CDHR5: variants seen among roughly 807,000 people sequenced by gnomAD.
CDHR5 encodes the protein cadherin related family member 5.
In CDHR5, 82 loss-of-function variants were observed where a neutral mutation model predicts 69.5. The ratio of observed to expected loss-of-function variants is 1.18; its 90% CI spans 0.99 to 1.42. The LOEUF is 1.42. CDHR5 is among the 40% of genes most tolerant of loss of function. The probability of loss-of-function intolerance (pLI) is 0.00; values close to 1 mark genes in which losing one functional copy is unlikely to be tolerated. For synonymous variants in CDHR5, 601 were observed against 510.2 expected (o/e 1.18, Z -2.40); for missense variants, 1,293 against 1,168.9 (o/e 1.11, Z -1.55).
rs1048183864 is a variant in CDHR5 at position 616,979 on chromosome 11, G to A, written c.*372C>T. On this transcript the variant is annotated 3_prime_UTR_variant, in exon 15 of 15. Transcript: ENST00000397542. ...GAGCGGGAGGTCTGAGATGAGCCGG[G>A]TGCCTGAGATCTCCGGTGCAGGTCG... 1 of 266,850 alleles carries A rather than the reference G, an allele frequency of 3.7e-6. No individual in the cohort carries two copies. Among genetic ancestry groups the A allele is most frequent in the Non-Finnish European group, 7.2e-6 (1 of 138,694 alleles). 16.5% of individuals were successfully genotyped at this position (266,850 alleles called of 1,614,324 possible). A position where few individuals can be genotyped will look rare whatever the true frequency, so the allele number is the denominator to read the frequency against.
At chr11:618,481 C>T (rs1407790369) in intron 13 of CDHR5, 118 bp downstream of exon 13, 21 of 1,234,844 alleles carry the variant, frequency 1.7e-5, no homozygotes, top group South Asian at 4.2e-5. Flanking sequence ...CCCAAACAGA[C>T]TCCTCTTTGG....
Position 618,858 on chromosome 11 carries a change from A to C in CDHR5, c.1701T>G (p.Ser567Arg). 6.2e-7 allele frequency: 1 copy of C among 1,605,498 alleles called. No individual in the cohort carries two copies. Among genetic ancestry groups the C allele is most frequent in the Non-Finnish European group, 8.5e-7 (1 of 1,178,440 alleles). ...TSTSHQPATP[S>R]GGTAQTPEPG... is the part of the protein sequence containing the mutation. ...GCTCTGGGGTCTGTGCTGTGCCCCC[A>C]CTGGGTGTGGCTGGTTGGTGGGAGG... Residue 567 changes from serine to arginine, a missense_variant, in exon 13 of 15, where the codon AGT becomes AGG. Transcript: ENST00000397542.
rs1257776158 is a variant in CDHR5, at chr11:624,260, TCTC to T, written c.262_264del (p.Glu88del). On this transcript the variant is annotated inframe_deletion and splice_region_variant, in exon 3 of 15. Transcript: ENST00000397542. The surrounding 1 kb of genome is among the most constrained non-coding windows in gnomAD (Gnocchi z 5.3). ...AGCAGCTGAGCCTCAAGCAGTGACT[TCTC>T]CTGTGGATGTAGACAGGTCTGCAGT... The T allele has an allele frequency of 7.8e-6, 6 of 770,694 alleles. No homozygotes were observed. Among genetic ancestry groups the T allele is most frequent in the Middle Eastern group, 2.3e-4 (1 of 4,376 alleles). 47.7% of individuals were successfully genotyped at this position (770,694 alleles called of 1,614,324 possible). A position where few individuals can be genotyped will look rare whatever the true frequency, so the allele number is the denominator to read the frequency against.
Position 621,592 on chromosome 11 carries a change from A to C in CDHR5, c.477T>G (p.Ile159Met). ...TCATTTCCTGGAGGGTGTAGAACAGAATGTCGTCCTTGTCGCGGTCCTCAG... is the reference window on the plus strand; with the variant it reads ...TCATTTCCTGGAGGGTGTAGAACAGCATGTCGTCCTTGTCGCGGTCCTCAG... ...LQAEDRDKDD[I>M]LFYTLQEMTA... Residue 159 changes from isoleucine to methionine, a missense_variant, in exon 5 of 15, where the codon ATT (isoleucine) becomes ATG (methionine). Ile to Met is a conservative substitution (Grantham distance 10). Coordinates refer to ENST00000397542, the MANE Select transcript of CDHR5 (RefSeq NM_021924.5). This position sits in a 1 kb window ranked among gnomAD's most constrained non-coding sequence, Gnocchi z 4.4. 1 of 1,613,124 alleles carries C rather than the reference A, an allele frequency of 6.2e-7. No individual in the cohort carries two copies. Among genetic ancestry groups the C allele is most frequent in the East Asian group, 2.2e-5 (1 of 44,814 alleles).
Position 617,541 on chromosome 11 carries a change from C to T in CDHR5, c.2348G>A (p.Arg783Gln), listed in dbSNP as rs146662733. The T allele has an allele frequency of 4.0e-5, 64 of 1,612,280 alleles. No homozygotes were observed. In the African/African-American group the frequency reaches 4.3e-4, roughly 11 times the overall value. ...GACAGCCTTGTACCCGCCCTCCGGC[C>T]GCCGCTCCTTGGTCAGGATGGACCT... The part of the protein sequence containing the change: ...AVRSILTKER[R>Q]PEGGYKAVWF... The change falls in exon 15 of 15, where the codon CGG becomes CAG. Residue 783 changes from arginine to glutamine, a missense_variant. Coordinates refer to ENST00000397542, the MANE Select transcript of CDHR5 (RefSeq NM_021924.5).
In CDHR5 at chr11:619,129, G is replaced by T; in HGVS notation, c.1430C>A (p.Thr477Asn). The T allele has an allele frequency of 6.3e-7, 1 of 1,589,884 alleles. No individual in the cohort carries two copies. The highest frequency in any genetic ancestry group is 8.5e-7 in the Non-Finnish European group (1 of 1,170,180). The change falls in exon 13 of 15, where the codon ACC becomes AAC. Residue 477 changes from threonine to asparagine, a missense_variant. Thr to Asn is a moderately conservative substitution (Grantham distance 65). Transcript: ENST00000397542. ...AGGGGGTCTGGGGACCTCGGAAGTG[G>T]TGCTGGTCCAGGGCCCAGTTGTTCC... ...AGGTTGPWTS[T>N]TSEVPRPPEP...
chr11:617,740 C>T lies in CDHR5; in HGVS notation c.2149G>A (p.Ala717Thr), dbSNP rs199885960. 1.4e-6 allele frequency: 2 copies of T among 1,458,390 alleles called. No individual in the cohort carries two copies. Among genetic ancestry groups the T allele is most frequent in the East Asian group, 4.9e-5 (2 of 41,004 alleles). 90.3% of individuals were successfully genotyped at this position (1,458,390 alleles called of 1,614,324 possible). A position where few individuals can be genotyped will look rare whatever the true frequency, so the allele number is the denominator to read the frequency against. Residue 717 changes from alanine (A) to threonine (T), a missense_variant, in exon 15 of 15, where the codon GCG becomes ACG. Ala to Thr is a moderately conservative substitution (Grantham distance 58). Coordinates refer to ENST00000397542, the MANE Select transcript of CDHR5 (RefSeq NM_021924.5). The stretch of plus-strand genomic sequence containing the variant: ...TTGGCCTTGTGGTCAGGGAGGAACG[C>T]CTGGTTGTCAAAGCCTTGGGGCTGG... ...EPQPQGFDNQ[A>T]FLPDHKANWA...
At chr11:622,452 G>GT (rs1857470071) in intron 3 of CDHR5, among the ~76,000 whole-genome samples, 1 of 137,552 alleles carries the variant, frequency 7.3e-6, no homozygotes, top group Non-Finnish European at 1.6e-5. Flanking sequence ...TTTTGTTTTT[G>GT]TTTTTTGGTT....
At chr11:620,414 G>T in intron 7 of CDHR5, 28 bp from the exon 8 acceptor site, 1 of 1,516,244 alleles carries the variant, frequency 6.6e-7, no homozygotes, top group Non-Finnish European at 9.1e-7. Context: ...GGGAGGGCAC[G>T]TCGTGGGGCT....
Position 621,209 on chromosome 11 carries a change from G to C in CDHR5, c.660C>G (p.Thr220=), listed in dbSNP as rs778453058. 1 of 1,600,536 alleles carries C rather than the reference G, an allele frequency of 6.2e-7. No individual in the cohort carries two copies. The highest frequency in any genetic ancestry group is 1.1e-5 in the South Asian group (1 of 89,138). Residue 220 remains threonine (T), a synonymous_variant, in exon 7 of 15, where the codon ACC becomes ACG. Transcript: ENST00000397542. The surrounding 1 kb of genome is among the most constrained non-coding windows in gnomAD (Gnocchi z 4.4). The part of the protein sequence containing the change: ...GENVEPSHTA[T]ATLVLNVVPA... ...GCACCACGTTCAGCACTAGTGTGGC[G>C]GTGGCAGTGTGGCTGGGTTCCACAT...
Position 621,652 on chromosome 11 carries a change from C to G in CDHR5, c.417G>C (p.Val139=). ...KEIRVEEDTK[V]NSTVIPETQL... ...GCGTCTCGGGGATGACGGTGGAGTT[C>G]ACTTTCGTGTCCTGGGGAGGGAGAG... The change falls in exon 5 of 15, where the codon GTG becomes GTC. Residue 139 remains valine, a synonymous_variant. Transcript: ENST00000397542. The surrounding 1 kb of genome is among the most constrained non-coding windows in gnomAD (Gnocchi z 4.4). 2 of 1,612,728 alleles carry G rather than the reference C, an allele frequency of 1.2e-6. No individual in the cohort carries two copies. The highest frequency in any genetic ancestry group is 1.7e-6 in the Non-Finnish European group (2 of 1,178,902).
Position 621,554 on chromosome 11 carries a change from G to C in CDHR5, c.507+8C>G, listed in dbSNP as rs750738673. 8 of 1,607,876 alleles carry C rather than the reference G, an allele frequency of 5.0e-6. No individual in the cohort carries two copies. The East Asian group carries it at 1.1e-4, about 22-fold the overall frequency. Reference sequence around the variant, plus strand: ...GGCTCGTGCTGGGGCAGGGTGGGCGGCACTGACTGCTGTCATTTCCTGGAG... The same window carrying C: ...GGCTCGTGCTGGGGCAGGGTGGGCGCCACTGACTGCTGTCATTTCCTGGAG... On this transcript the variant is annotated splice_region_variant and intron_variant, in intron 5 of 14. Coordinates refer to ENST00000397542, the MANE Select transcript of CDHR5 (RefSeq NM_021924.5). The surrounding 1 kb of genome is among the most constrained non-coding windows in gnomAD (Gnocchi z 4.4).
chr11:621,978 CCCCA>C lies in CDHR5; in HGVS notation c.313-78_313-75del. ...GGTGCACCCCTCGACGGCTATCCGT[CCCCA>C]CCGTGAGTGAGGTGCACCCCTCAAC... On this transcript the variant is annotated intron_variant, in intron 3 of 14. Coordinates refer to ENST00000397542, the MANE Select transcript of CDHR5 (RefSeq NM_021924.5). This position sits in a 1 kb window ranked among gnomAD's most constrained non-coding sequence, Gnocchi z 4.4. 2.5e-6 allele frequency: 3 copies of C among 1,215,160 alleles called. No individual in the cohort carries two copies. The highest frequency in any genetic ancestry group is 3.5e-6 in the Non-Finnish European group (3 of 849,548). The allele number at this position is 1,215,160 out of a possible 1,614,324, so 75.3% of individuals were successfully genotyped here.
In CDHR5 at chr11:618,604, G is replaced by A. The variant is rs764299670; in HGVS notation, c.1955C>T (p.Ser652Phe). The A allele has an allele frequency of 1.2e-6, 2 of 1,613,910 alleles. No individual in the cohort carries two copies. Among genetic ancestry groups the A allele is most frequent in the Non-Finnish European group, 1.7e-6 (2 of 1,180,008 alleles). ...GGCAACAGAGTGGGTGCTACCTGAA[G>A]ATGGGGTGCTCTTGCTGAGGGGCAT... ...QPMPLSKSTP[S>F]SGGGPSEDKR... The change falls in exon 13 of 15, where the codon TCT becomes TTT. Residue 652 changes from serine (S) to phenylalanine (F), a missense_variant. Physicochemically the swap from Ser to Phe is radical, Grantham distance 155. Coordinates refer to ENST00000397542, the MANE Select transcript of CDHR5 (RefSeq NM_021924.5).
At position 621,048 on chromosome 11, in the gene CDHR5, T is replaced by C. The variant is rs1400798524; in HGVS notation, c.789+32A>G. On this transcript the variant is annotated intron_variant, in intron 7 of 14. Transcript: ENST00000397542. This position sits in a 1 kb window ranked among gnomAD's most constrained non-coding sequence, Gnocchi z 4.4. Reference sequence around the variant, plus strand: ...TGTGTCCAGCCTGCCTAGAAGGCCCTGCCCCGTGCACTGCCCCTCCCTCCC... The same window carrying C: ...TGTGTCCAGCCTGCCTAGAAGGCCCCGCCCCGTGCACTGCCCCTCCCTCCC... 1.6e-6 allele frequency: 2 copies of C among 1,278,532 alleles called. No individual in the cohort carries two copies. Among genetic ancestry groups the C allele is most frequent in the Admixed American group, 5.3e-5 (2 of 37,612 alleles). The allele number at this position is 1,278,532 out of a possible 1,614,324, so 79.2% of individuals were successfully genotyped here. A position where few individuals can be genotyped will look rare whatever the true frequency, so the allele number is the denominator to read the frequency against.
Position 621,500 on chromosome 11 carries a change from G to A in CDHR5, c.508-45C>T, listed in dbSNP as rs1320054969. On this transcript the variant is annotated intron_variant, in intron 5 of 14. Transcript: ENST00000397542. This position sits in a 1 kb window ranked among gnomAD's most constrained non-coding sequence, Gnocchi z 4.4. The stretch of plus-strand genomic sequence containing the variant: ...ACAGAGCCTAAGAGCCTTGGAGGGC[G>A]AGGGCGGCTGTGGGTGTCAGAGGCG... The A allele has an allele frequency of 3.8e-6, 6 of 1,594,058 alleles. No individual in the cohort carries two copies. The African/African-American group carries it at 5.4e-5, about 14-fold the overall frequency.
rs753438557 is a variant in CDHR5, at chr11:617,361, G to C, written c.2528C>G (p.Ser843Cys). ...GPYDAPGGDD[S>C]YI is the part of the protein sequence containing the mutation. ...GGGTGGAGGGGCCACTTAGATGTAG[G>C]AGTCATCACCACCGGGCGCATCGTA... Residue 843 changes from serine (S) to cysteine (C), a missense_variant, in exon 15 of 15, where the codon TCC becomes TGC. By Grantham distance (112) the Ser-to-Cys change is moderately radical (BLOSUM62 -1). Coordinates refer to ENST00000397542, the MANE Select transcript of CDHR5 (RefSeq NM_021924.5). The C allele has an allele frequency of 6.2e-7, 1 of 1,603,770 alleles. No homozygotes were observed.
rs188994853 is a variant in CDHR5, at chr11:624,028, T to A, written c.312+185A>T. On this transcript the variant is annotated intron_variant, in intron 3 of 14. Coordinates refer to ENST00000397542, the MANE Select transcript of CDHR5 (RefSeq NM_021924.5). This position sits in a 1 kb window ranked among gnomAD's most constrained non-coding sequence, Gnocchi z 5.3. ...GATGGGGTGTCTGCTGGACAAGGGGTCAGTGACGGGGACTCCACAGCTCAG... is the reference window on the plus strand; with the variant it reads ...GATGGGGTGTCTGCTGGACAAGGGGACAGTGACGGGGACTCCACAGCTCAG... 1.9e-4 allele frequency among the ~76,000 whole-genome samples: 29 copies of A among 151,306 alleles called. No homozygotes were observed. The highest frequency in any genetic ancestry group is 7.0e-4 in the African/African-American group (29 of 41,192).
intron 3 of CDHR5, among the ~76,000 whole-genome samples, chr11:622,931 CTGGTTGGTAATT>C (rs1857504581): frequency 6.6e-6 from 1 of 152,130 alleles, no homozygotes; most frequent in Non-Finnish European, 1.5e-5. Flanking sequence ...CATTATGGAC[CTGGTTGGTAATT>C]CTCCTGAGTT....
Sources: allele counts gnomAD v4.1 joint callset (sites outside exome capture counted in the v4.1 genomes callset), GRCh38; gene constraint gnomAD v4.1.1; non-coding constraint Gnocchi (gnomAD v3.1); transcripts MANE v1.5; gene names NCBI Gene and HGNC (gene_info 2026-07-23, HGNC 2026-07-21).